ENPP2: variants seen among roughly 807,000 people sequenced by gnomAD.
The protein encoded by ENPP2 is ectonucleotide pyrophosphatase/phosphodiesterase 2, also known as autotaxin.
Under a neutral mutation model 120.2 loss-of-function variants are expected in ENPP2, and 51 were observed. The observed-to-expected ratio is 0.42, with a 90% CI of 0.34 to 0.54. The LOEUF is 0.54. Among genes scored for constraint, ENPP2 ranks in the 20% least tolerant of loss-of-function variants. The pLI, the probability that ENPP2 is intolerant of heterozygous loss-of-function variation, is 0.04. For synonymous variants in ENPP2, 365 were observed against 366.4 expected, an observed-to-expected ratio of 1.00 and a Z score of 0.04; for missense variants, 920 against 1,066.5, an observed-to-expected ratio of 0.86 and a Z score of 1.91.
At chr8:119,650,293 C>CA (rs1817590842) in intron 1 of ENPP2, among the ~76,000 whole-genome samples, 2 of 152,086 alleles carry the variant, frequency 1.3e-5, no homozygotes, top group Non-Finnish European at 2.9e-5. Flanking sequence ...GGCAAACCCA[C>CA]AGGGGATAAA....
chr8:119,669,334 T>G (rs1195741687), intron 1 of ENPP2, among the ~76,000 whole-genome samples: 1 of 152,244 alleles, frequency 6.6e-6, no homozygotes, highest in Non-Finnish European at 1.5e-5. Context: ...TAAAGTTTAT[T>G]GAGTATAACC....
chr8:119,639,394 T>C (rs1253771671), upstream of ENPP2, among the ~76,000 whole-genome samples: 9 of 152,196 alleles, frequency 5.9e-5, no homozygotes, highest in South Asian at 4.1e-4. Context: ...TCCTTGAAAG[T>C]TTCTCATGAT....
rs958930211 is a variant in ENPP2 at position 119,583,219 on chromosome 8, G to A, written c.1543+498C>T. 7.9e-5 allele frequency among the ~76,000 whole-genome samples: 12 copies of A among 152,264 alleles called. No homozygotes were observed. The South Asian group carries it at 1.0e-3, about 13-fold the overall frequency. On this transcript the variant is annotated intron_variant, in intron 17 of 24. Coordinates refer to ENST00000075322, the MANE Select transcript of ENPP2 (RefSeq NM_001040092.3). ...GATGGGAAAAGAACCCAGGAGACCC[G>A]ACTTGCAGACTCCCCCTCTAACCAC...
In ENPP2 at chr8:119,617,228, T is replaced by C. The variant is rs1815518707; in HGVS notation, c.593A>G (p.His198Arg). ...GTACACCGGCCTCATGTAGGGAGAG[T>C]GTGTGCCACAAGACCCTGGAAAGAG... is the stretch of plus-strand genomic sequence containing the variant. ...NIEKLRSCGT[H>R]SPYMRPVYPT... Residue 198 changes from histidine to arginine, a missense_variant, in exon 7 of 25, where the codon CAC becomes CGC. Coordinates refer to ENST00000075322, the MANE Select transcript of ENPP2 (RefSeq NM_001040092.3). The C allele has an allele frequency of 6.2e-7, 1 of 1,612,810 alleles. No homozygotes were observed. Among genetic ancestry groups the C allele is most frequent in the Non-Finnish European group, 8.5e-7 (1 of 1,179,144 alleles).
intron 24 of ENPP2, among the ~76,000 whole-genome samples, chr8:119,558,191 G>T (rs1813622928): frequency 6.6e-6 from 1 of 152,076 alleles, no homozygotes; most frequent in Non-Finnish European, 1.5e-5. Flanking sequence ...TCATCTACTA[G>T]AATGCATAAA....
intron 1 of ENPP2, among the ~76,000 whole-genome samples, chr8:119,644,587 AATATATATATATATATATATATAT>A (rs33966650): frequency 8.3e-5 from 5 of 59,978 alleles, no homozygotes; most frequent in African/African-American, 2.0e-4. Flanking sequence ...AGATTACTAA[AATATATATATATATATATATATAT>A]ATATATATAT....
intron 1 of ENPP2, among the ~76,000 whole-genome samples, chr8:119,663,857 C>T (rs1199711631): frequency 6.6e-6 from 1 of 152,128 alleles, no homozygotes; most frequent in Non-Finnish European, 1.5e-5. Context: ...CCTCATGCCA[C>T]TATGTTGAAT....
At chr8:119,582,266 A>T in intron 18 of ENPP2, 152 bp downstream of exon 18, 1 of 606,448 alleles carries the variant, frequency 1.6e-6, no homozygotes, top group Middle Eastern at 4.3e-4. Flanking sequence ...GTAATGAAAT[A>T]AAAATTTGAG....
intron 19 of ENPP2, among the ~76,000 whole-genome samples, chr8:119,578,037 G>A (rs1200936961): frequency 2.0e-5 from 3 of 151,832 alleles, no homozygotes; most frequent in South Asian, 4.2e-4. Context: ...GATTGTGTGT[G>A]TTTTTTTGTT....
rs371751559 is a variant in ENPP2 at position 119,562,076 on chromosome 8, G to A, written c.2421+781C>T. Among the ~76,000 whole-genome samples the A allele has an allele frequency of 3.9e-5, 6 of 151,956 alleles. No individual in the cohort carries two copies. The South Asian group carries it at 1.2e-3, about 32-fold the overall frequency. ...GGCGTGAGCCCGGGAGGCGGAGCTTGCAGTGAGCCAAGATCACACCACTGC... is the reference window on the plus strand; with the variant it reads ...GGCGTGAGCCCGGGAGGCGGAGCTTACAGTGAGCCAAGATCACACCACTGC... On this transcript the variant is annotated intron_variant, in intron 24 of 24. Transcript: ENST00000075322.
intron 9 of ENPP2, among the ~76,000 whole-genome samples, chr8:119,604,012 C>CTTT (rs35136821): frequency 4.4e-5 from 6 of 136,596 alleles, no homozygotes; most frequent in African/African-American, 8.1e-5. Flanking sequence ...CAATCTCTCT[C>CTTT]TTTTTTTTTT....
rs556139890 is a variant in ENPP2, at chr8:119,646,190, C to T, written c.22-7663G>A. On this transcript the variant is annotated intron_variant, in intron 1 of 25. Coordinates refer to the ENPP2 transcript ENST00000427067. ...TTCACTGTGTTAGCCAGGATGGTCT[C>T]GATCTCCTGACCTCGTGATCCACCC... Among the ~76,000 whole-genome samples the T allele has an allele frequency of 2.0e-5, 3 of 152,076 alleles. No homozygotes were observed. In the East Asian group the frequency reaches 5.8e-4, roughly 30 times the overall value.
intron 15 of ENPP2, among the ~76,000 whole-genome samples, chr8:119,585,064 C>G (rs988982940): frequency 6.6e-6 from 1 of 152,270 alleles, no homozygotes; most frequent in Admixed American, 6.5e-5. Flanking sequence ...CTACTCAGCT[C>G]CCATGTTTTT....
chr8:119,562,802 GA>G (rs1185637945), intron 24 of ENPP2, 54 bp downstream of exon 24: 19 of 1,514,180 alleles, frequency 1.3e-5, no homozygotes, highest in Non-Finnish European at 1.7e-5. Context: ...TATAAAGTAA[GA>G]AACGAAGGTG....
chr8:119,645,272 C>T (rs1455552342), intron 1 of ENPP2, among the ~76,000 whole-genome samples: 4 of 152,182 alleles, frequency 2.6e-5, no homozygotes, highest in African/African-American at 7.2e-5. Context: ...CTCAACACGT[C>T]CAAAACGCAG....
At chr8:119,590,674 C>A in intron 12 of ENPP2, 44 bp from the exon 13 acceptor site, 4 of 1,389,258 alleles carry the variant, frequency 2.9e-6, no homozygotes, top group Non-Finnish European at 3.9e-6. Context: ...AAGACTAAAA[C>A]GAAAATCTTA....
At chr8:119,574,684 A>G (rs960940987) in intron 19 of ENPP2, among the ~76,000 whole-genome samples, 6 of 152,114 alleles carry the variant, frequency 3.9e-5, no homozygotes, top group African/African-American at 1.4e-4. Context: ...ACAGATGAGC[A>G]GGCTGTCTTG....
In ENPP2 at chr8:119,626,683, A is replaced by G. The variant is rs1467274824; in HGVS notation, c.174T>C (p.Ser58=). The G allele has an allele frequency of 6.2e-7, 1 of 1,614,136 alleles. No homozygotes were observed. Among genetic ancestry groups the G allele is most frequent in the Non-Finnish European group, 8.5e-7 (1 of 1,179,982 alleles). Reference sequence around the variant, plus strand: ...GAAGTTCAAAGCACCTGCCCTTGCAAGATCCGGAGATGTTGGTCCAGGGGG... The same window carrying G: ...GAAGTTCAAAGCACCTGCCCTTGCAGGATCCGGAGATGTTGGTCCAGGGGG... The part of the protein sequence containing the change: ...SDSPWTNISG[S]CKGRCFELQE... The change falls in exon 3 of 25, where the codon TCT becomes TCC. Residue 58 remains serine, a synonymous_variant. Transcript: ENST00000075322.
Position 119,572,638 on chromosome 8 carries a change from C to T in ENPP2, c.1781-1797G>A, listed in dbSNP as rs117785502. The T allele has an allele frequency of 1.1e-3, 190 of 168,554 alleles. 2 individuals are homozygous for T. The highest frequency in any genetic ancestry group is 8.8e-3 in the East Asian group (57 of 6,460). 10.4% of individuals were successfully genotyped at this position (168,554 alleles called of 1,614,324 possible). On this transcript the variant is annotated intron_variant, in intron 19 of 24. Coordinates refer to ENST00000075322, the MANE Select transcript of ENPP2 (RefSeq NM_001040092.3). ...TACCAGAAATAACTTCTCCAGTCTT[C>T]GCCAAGTCTGTCACCTATCTCCTTC...
Sources: gnomAD v4.1 joint callset for allele counts (sites outside exome capture counted in the v4.1 genomes callset) on GRCh38, gnomAD v4.1.1 for gene constraint, MANE v1.5 for transcripts, NCBI Gene and HGNC (gene_info 2026-07-23, HGNC 2026-07-21) for gene names.